The following EZH2 variants were observed in gnomAD, a reference collection of about 807,000 sequenced individuals.
EZH2 encodes the protein histone-lysine N-methyltransferase EZH2.
Under a neutral mutation model 98.4 loss-of-function variants are expected in EZH2, and 18 were observed. The observed-to-expected ratio is 0.18, with a 90% CI of 0.13 to 0.27. The LOEUF (loss-of-function observed/expected upper bound fraction) is 0.27. Among genes scored for constraint, EZH2 ranks in the 10% least tolerant of loss-of-function variants. EZH2 has a pLI of 1.00. For missense variants in EZH2, 470 were observed against 935.1 expected, an observed-to-expected ratio of 0.50 and a Z score of 6.49; for synonymous variants, 338 against 312.3, an observed-to-expected ratio of 1.08 and a Z score of -0.87.
At chr7:148,867,387 G>C (rs1286913996) in intron 1 of EZH2, among the ~76,000 whole-genome samples, 1 of 152,082 alleles carries the variant, frequency 6.6e-6, no homozygotes, top group East Asian at 1.9e-4. Flanking sequence ...CGTTATACCA[G>C]CACAAAACAG....
At chr7:148,879,743 A>G (rs1820701865) in intron 1 of EZH2, among the ~76,000 whole-genome samples, 1 of 152,006 alleles carries the variant, frequency 6.6e-6, no homozygotes, top group African/African-American at 2.4e-5. Flanking sequence ...GTGGTGGCGC[A>G]CGCTTGTAGT....
At chr7:148,849,566 G>C (rs940414378) in intron 1 of EZH2, among the ~76,000 whole-genome samples, 1 of 152,134 alleles carries the variant, frequency 6.6e-6, no homozygotes, top group African/African-American at 2.4e-5. Context: ...CCTTGCCTGC[G>C]AGTTGCTAAA....
At chr7:148,882,258 C>A (rs556391577) in intron 1 of EZH2, among the ~76,000 whole-genome samples, 1 of 152,278 alleles carries the variant, frequency 6.6e-6, no homozygotes, top group South Asian at 2.1e-4. Flanking sequence ...CTTAAGTTAG[C>A]AGATGCACAT....
At chr7:148,866,970 T>A (rs1585267064) in intron 1 of EZH2, among the ~76,000 whole-genome samples, 1 of 148,268 alleles carries the variant, frequency 6.7e-6, no homozygotes, top group African/African-American at 2.5e-5. Flanking sequence ...CGCCTCAGCC[T>A]CCCAAAGTGC....
chr7:148,869,909 G>T (rs978503671), intron 1 of EZH2, among the ~76,000 whole-genome samples: 1 of 152,186 alleles, frequency 6.6e-6, no homozygotes, highest in Non-Finnish European at 1.5e-5. Flanking sequence ...CAAGCTACTG[G>T]TGGGATGTAG....
At position 148,826,617 on chromosome 7, in the gene EZH2, G is replaced by C. The variant is rs541419393; in HGVS notation, c.744C>G (p.Thr248=). 6.5e-6 allele frequency: 10 copies of C among 1,535,272 alleles called. No homozygotes were observed. In the East Asian group the frequency reaches 1.8e-4, roughly 28 times the overall value. ...GAAGTGCGCCTGGGAGCTGCTGTTC[G>C]GTGAGTTCTTTATATCTGACATTAA... ...EELKEKYKEL[T]EQQLPGALPP... Residue 248 remains threonine (T), a synonymous_variant, in exon 8 of 20, where the codon ACC becomes ACG. Coordinates refer to ENST00000320356, the MANE Select transcript of EZH2 (RefSeq NM_004456.5).
chr7:148,866,599 T>C (rs1242543460), intron 1 of EZH2, among the ~76,000 whole-genome samples: 1 of 123,924 alleles, frequency 8.1e-6, no homozygotes, highest in African/African-American at 2.9e-5. Context: ...GTATACACTA[T>C]ATATTATATA....
chr7:148,817,558 G>T, intron 10 of EZH2, 167 bp from the exon 11 acceptor site: 1 of 696,780 alleles, frequency 1.4e-6, no homozygotes, highest in Non-Finnish European at 2.3e-6. Context: ...ACTACTCACA[G>T]AACGTCAAGA....
intron 19 of EZH2, 25 bp from the exon 20 acceptor site, chr7:148,807,731 C>G: frequency 6.4e-7 from 1 of 1,550,898 alleles, no homozygotes. Context: ...AGGAGATGTC[C>G]GCTGGATGGC....
intron 1 of EZH2, among the ~76,000 whole-genome samples, chr7:148,871,403 TAAAAAAA>T (rs71529646): frequency 4.5e-5 from 4 of 88,732 alleles, no homozygotes; most frequent in African/African-American, 8.7e-5. Flanking sequence ...GACGAATAAT[TAAAAAAA>T]AAAAAAAAAA....
intron 12 of EZH2, among the ~76,000 whole-genome samples, chr7:148,815,786 A>C (rs1804389492): frequency 6.6e-6 from 1 of 152,112 alleles, no homozygotes; most frequent in Non-Finnish European, 1.5e-5. Flanking sequence ...CCTGGTCAGA[A>C]CTCCTGAGCT....
intron 1 of EZH2, among the ~76,000 whole-genome samples, chr7:148,858,870 A>C (rs1436089848): frequency 6.6e-6 from 1 of 152,122 alleles, no homozygotes; most frequent in Non-Finnish European, 1.5e-5. Flanking sequence ...TTAGGCTTCT[A>C]CAGAATCTGA....
chr7:148,841,631 C>T (rs972047699), intron 3 of EZH2, among the ~76,000 whole-genome samples: 2 of 152,168 alleles, frequency 1.3e-5, no homozygotes, highest in South Asian at 4.2e-4. Context: ...TATAAAGAAA[C>T]CATGTTACTA....
In EZH2 at chr7:148,807,630, G is replaced by A. The variant is rs373732420; in HGVS notation, c.*16C>T. ...AAGGCAGCTGTTTCAGAGGAGGGGG[G>A]AGGAGGTAGCAGATGTCAAGGGATT... On this transcript the variant is annotated 3_prime_UTR_variant, in exon 20 of 20. Transcript: ENST00000320356. The A allele has an allele frequency of 1.5e-5, 24 of 1,569,062 alleles. No homozygotes were observed. Among genetic ancestry groups the A allele is most frequent in the Non-Finnish European group, 2.1e-5 (24 of 1,151,978 alleles).
In EZH2 at chr7:148,873,491, CAAAAA is replaced by C. The variant is rs1162280467; in HGVS notation, c.-8+10668_-8+10672del. Among the ~76,000 whole-genome samples the C allele has an allele frequency of 3.8e-3, 225 of 58,520 alleles. 2 individuals are homozygous for C. The highest frequency in any genetic ancestry group is 0.013 in the African/African-American group (214 of 16,088). The allele number at this position is 58,520 out of a possible 152,430, so 38.4% of individuals were successfully genotyped here. A position where few individuals can be genotyped will look rare whatever the true frequency, so the allele number is the denominator to read the frequency against. The stretch of plus-strand genomic sequence containing the variant: ...TGGGTGACAGAGTGAGACTCTGTCT[CAAAAA>C]AAAAAAAAAAAAAAGAAAGATCATT... On this transcript the variant is annotated intron_variant, in intron 1 of 19. Coordinates refer to ENST00000320356, the MANE Select transcript of EZH2 (RefSeq NM_004456.5).
intron 1 of EZH2, among the ~76,000 whole-genome samples, chr7:148,870,477 A>AG (rs1428539740): frequency 6.6e-6 from 1 of 152,062 alleles, no homozygotes; most frequent in African/African-American, 2.4e-5. Flanking sequence ...CCAAGGTGGG[A>AG]GATCACTTGA....
chr7:148,882,820 G>A (rs1013220678), intron 1 of EZH2, among the ~76,000 whole-genome samples: 2 of 152,174 alleles, frequency 1.3e-5, no homozygotes, highest in African/African-American at 4.8e-5. Flanking sequence ...ATTTCCAAAT[G>A]AATTTAAATG....
At chr7:148,835,697 C>T (rs1415491081) in intron 3 of EZH2, among the ~76,000 whole-genome samples, 3 of 151,980 alleles carry the variant, frequency 2.0e-5, no homozygotes, top group African/African-American at 7.2e-5. Context: ...TAAATTAATT[C>T]TGTGGCTTCT....
intron 5 of EZH2, among the ~76,000 whole-genome samples, chr7:148,829,280 T>C (rs1808625575): frequency 1.3e-5 from 2 of 152,132 alleles, no homozygotes; most frequent in Non-Finnish European, 2.9e-5. Context: ...CAGGGCCTCC[T>C]GGACACAAAA....
Sources: gnomAD v4.1 joint callset for allele counts (sites outside exome capture counted in the v4.1 genomes callset) on GRCh38, gnomAD v4.1.1 for gene constraint, MANE v1.5 for transcripts, NCBI Gene and HGNC (gene_info 2026-07-23, HGNC 2026-07-21) for gene names.